CREB5: variants seen among roughly 807,000 people sequenced by gnomAD.
The protein encoded by CREB5 is cyclic AMP-responsive element-binding protein 5.
CREB5 carries 19 observed loss-of-function variants against 57.1 expected under a neutral mutation model. That is an observed-to-expected ratio of 0.33 (90% CI 0.23 to 0.49). CREB5 has a LOEUF of 0.49. Among genes scored for constraint, CREB5 ranks in the 20% least tolerant of loss-of-function variants. The pLI is 0.99. For missense variants in CREB5, 579 were observed against 671.6 expected, an observed-to-expected ratio of 0.86 and a Z score of 1.52; for synonymous variants, 238 against 238.3, an observed-to-expected ratio of 1.00 and a Z score of 0.01.
intron 7 of CREB5, chr7:28,749,270 G>A (rs1431763628): frequency 6.6e-6 from 1 of 152,228 alleles, no homozygotes; most frequent in Non-Finnish European, 1.5e-5. Flanking sequence ...CTCCAGGCCA[G>A]TGATTTATTT....
At position 28,771,642 on chromosome 7, in the gene CREB5, T is replaced by A; in HGVS notation, c.703-32557T>A. Among the ~76,000 whole-genome samples, 2 of 152,096 alleles carry A rather than the reference T, an allele frequency of 1.3e-5. 1 individual carries two copies. The highest frequency in any genetic ancestry group is 3.9e-4 in the East Asian group (2 of 5,182). ...GGCATTTCATTTACAGCGCTACCCC[T>A]TCCAGAAACTTCTAAGTGTATTTTT... On this transcript the variant is annotated intron_variant, in intron 7 of 10. Transcript: ENST00000357727.
In CREB5 at chr7:28,650,800, T is replaced by C. The variant is rs540876360; in HGVS notation, c.465-67953T>C. Among the ~76,000 whole-genome samples, 3 of 152,324 alleles carry C rather than the reference T, an allele frequency of 2.0e-5. No individual in the cohort carries two copies. In the East Asian group the frequency reaches 5.8e-4, roughly 29 times the overall value. On this transcript the variant is annotated intron_variant, in intron 5 of 10. Coordinates refer to ENST00000357727, the MANE Select transcript of CREB5 (RefSeq NM_182898.4). ...GCAGATGGCTCTTTAGATCTCAAAT[T>C]TAATTATCTTTTTTTAAAAAAAGAG...
At position 28,809,194 on chromosome 7, in the gene CREB5, C is replaced by G. The variant is rs777693503; in HGVS notation, c.1034C>G (p.Pro345Arg). Residue 345 changes from proline to arginine, a missense_variant, in exon 9 of 11, where the codon CCA becomes CGA. Physicochemically the swap from Pro to Arg is moderately radical, Grantham distance 103. This residue lies in a region of CREB5 where 459 missense variants were observed against 515.7 expected (regional missense o/e 0.89). Transcript: ENST00000357727. ...LHTGNQAQVS[P>R]ATQQMQPTQT... ...CCCTCTCTGGCCCAGCAGGTTTCAC[C>G]AGCAACACAACAGATGCAGCCAACC... The G allele has an allele frequency of 7.5e-6, 12 of 1,610,676 alleles. No individual in the cohort carries two copies. The South Asian group carries it at 1.3e-4, about 18-fold the overall frequency.
chr7:28,761,112 C>G (rs934762351), intron 7 of CREB5, among the ~76,000 whole-genome samples: 1 of 152,084 alleles, frequency 6.6e-6, no homozygotes, highest in Non-Finnish European at 1.5e-5. Flanking sequence ...AAGCACACAA[C>G]AGTATATGAT....
chr7:28,383,591 G>A (rs943941354), intron 1 of CREB5, among the ~76,000 whole-genome samples: 8 of 152,196 alleles, frequency 5.3e-5, no homozygotes, highest in Admixed American at 2.0e-4. Flanking sequence ...GCAGGAGCAA[G>A]GGTGGGAGGA....
chr7:28,672,173 TG>T (rs1800071348), intron 5 of CREB5, among the ~76,000 whole-genome samples: 1 of 79,168 alleles, frequency 1.3e-5, no homozygotes. Flanking sequence ...AGTTGTATTA[TG>T]GAAAAAAAAA....
At chr7:28,390,768 A>G (rs1321515064) in intron 1 of CREB5, among the ~76,000 whole-genome samples, 1 of 152,156 alleles carries the variant, frequency 6.6e-6, no homozygotes, top group African/African-American at 2.4e-5. Flanking sequence ...GGAGCCCTGT[A>G]AGCCCTCTAG....
chr7:28,808,983 ATAG>A (rs2128804228), intron 8 of CREB5, among the ~76,000 whole-genome samples: 1 of 152,262 alleles, frequency 6.6e-6, no homozygotes, highest in South Asian at 2.1e-4. Context: ...CCAACACATC[ATAG>A]AATATAGGTC....
chr7:28,403,513 AG>A (rs1440124845), intron 1 of CREB5, among the ~76,000 whole-genome samples: 1 of 152,202 alleles, frequency 6.6e-6, no homozygotes, highest in Non-Finnish European at 1.5e-5. Flanking sequence ...GCAGTATCCT[AG>A]GAGATAGATG....
chr7:28,788,055 T>C (rs1326022884), intron 7 of CREB5, among the ~76,000 whole-genome samples: 6 of 152,242 alleles, frequency 3.9e-5, no homozygotes, highest in African/African-American at 1.2e-4. Context: ...GTAACATTGA[T>C]AAATGTCATT....
chr7:28,718,918 G>T, intron 6 of CREB5, 39 bp downstream of exon 6: 1 of 1,612,858 alleles, frequency 6.2e-7, no homozygotes, highest in Non-Finnish European at 8.5e-7. Flanking sequence ...CTTGTCACTT[G>T]CACTGAGGTT....
chr7:28,816,607 A>G lies in CREB5; in HGVS notation c.1255-1464A>G, dbSNP rs1292444976. ...ATTTTTGTTATTAATGTTACTCAATATGTGGTTGCTTATAATTTATTTCAC... is the reference window on the plus strand; with the variant it reads ...ATTTTTGTTATTAATGTTACTCAATGTGTGGTTGCTTATAATTTATTTCAC... On this transcript the variant is annotated intron_variant, in intron 9 of 10. Transcript: ENST00000357727. Among the ~76,000 whole-genome samples the G allele has an allele frequency of 2.0e-5, 3 of 152,194 alleles. No individual in the cohort carries two copies. The East Asian group carries it at 5.8e-4, about 29-fold the overall frequency.
chr7:28,776,717 C>T (rs962413744), intron 7 of CREB5, among the ~76,000 whole-genome samples: 1 of 152,200 alleles, frequency 6.6e-6, no homozygotes, highest in African/African-American at 2.4e-5. Context: ...TCCTCACCAG[C>T]GTCTGGCAAC....
At chr7:28,366,445 T>A (rs906361937) in intron 1 of CREB5, among the ~76,000 whole-genome samples, 2 of 152,186 alleles carry the variant, frequency 1.3e-5, no homozygotes, top group African/African-American at 4.8e-5. Context: ...TACTACTACT[T>A]ATTGTTATTG....
chr7:28,575,230 A>G (rs2128652264), intron 5 of CREB5, among the ~76,000 whole-genome samples: 1 of 152,356 alleles, frequency 6.6e-6, no homozygotes, highest in South Asian at 2.1e-4. Context: ...GGCAGAAGCA[A>G]TGCTACGAGT....
chr7:28,776,118 A>G (rs1806614251), intron 7 of CREB5, among the ~76,000 whole-genome samples: 1 of 152,000 alleles, frequency 6.6e-6, no homozygotes, highest in South Asian at 2.1e-4. Context: ...CGGGCGGATC[A>G]TGAGGTCAGG....
intron 1 of CREB5, among the ~76,000 whole-genome samples, chr7:28,309,625 A>G (rs2127981054): frequency 6.6e-6 from 1 of 152,292 alleles, no homozygotes; most frequent in African/African-American, 2.4e-5. Context: ...CAATGCCAGG[A>G]GAGCCCACCT....
At chr7:28,451,008 T>C (rs1404737629) in intron 1 of CREB5, among the ~76,000 whole-genome samples, 2 of 152,152 alleles carry the variant, frequency 1.3e-5, no homozygotes, top group Non-Finnish European at 2.9e-5. Flanking sequence ...TCAAGGTAAT[T>C]TGGGCAAAAC....
At chr7:28,501,773 A>G (rs1225079112) in intron 3 of CREB5, among the ~76,000 whole-genome samples, 2 of 152,198 alleles carry the variant, frequency 1.3e-5, no homozygotes, top group African/African-American at 2.4e-5. Flanking sequence ...TGCAGTTGGA[A>G]CACTTGGGGT....
Sources: allele counts gnomAD v4.1 joint callset (sites outside exome capture counted in the v4.1 genomes callset), GRCh38; gene constraint gnomAD v4.1.1; regional missense constraint gnomAD v4.1.1; transcripts MANE v1.5; gene names NCBI Gene and HGNC (gene_info 2026-07-23, HGNC 2026-07-21).